TEC: variants seen among roughly 807,000 people sequenced by gnomAD.
The protein encoded by TEC is tec protein tyrosine kinase.
Under a neutral mutation model 93.0 loss-of-function variants are expected in TEC, and 72 were observed. The ratio of observed to expected loss-of-function variants is 0.77; its 90% CI spans 0.64 to 0.94. The LOEUF is 0.94. Among genes scored for constraint, TEC ranks in the 40% least tolerant of loss-of-function variants. The pLI, the probability that TEC is intolerant of heterozygous loss-of-function variation, is 0.00. For synonymous variants in TEC, 249 were observed against 247.7 expected (o/e 1.01, Z -0.05); for missense variants, 630 against 757.9 (o/e 0.83, Z 1.98).
At chr4:48,158,136 C>T (rs1172700843) in intron 8 of TEC, among the ~76,000 whole-genome samples, 2 of 152,120 alleles carry the variant, frequency 1.3e-5, no homozygotes, top group Non-Finnish European at 2.9e-5. Context: ...AGAACCAGCA[C>T]CTGCTTTTGG....
intron 1 of TEC, among the ~76,000 whole-genome samples, chr4:48,253,572 C>CTTTTT (rs34702593): frequency 1.5e-5 from 2 of 131,916 alleles, no homozygotes; most frequent in African/African-American, 5.7e-5. Context: ...ATGTCCAATT[C>CTTTTT]TTTTTTTTTT....
chr4:48,146,668 C>A (rs929577973), intron 11 of TEC, among the ~76,000 whole-genome samples: 2 of 151,992 alleles, frequency 1.3e-5, no homozygotes, highest in Non-Finnish European at 2.9e-5. Flanking sequence ...ATTTCGTGTT[C>A]TTTTCCAATA....
intron 2 of TEC, among the ~76,000 whole-genome samples, chr4:48,196,338 A>C (rs746592819): frequency 7.2e-5 from 11 of 152,332 alleles, no homozygotes; most frequent in Non-Finnish European, 1.5e-4. Context: ...TTTGAATCTC[A>C]GCTCTGCTAC....
At chr4:48,206,627 A>C (rs1722723667) in intron 2 of TEC, among the ~76,000 whole-genome samples, 1 of 152,094 alleles carries the variant, frequency 6.6e-6, no homozygotes, top group African/African-American at 2.4e-5. Flanking sequence ...CACCAGAGAA[A>C]GCAATATTTA....
chr4:48,142,962 G>A (rs576147605), intron 14 of TEC, among the ~76,000 whole-genome samples: 53 of 152,266 alleles, frequency 3.5e-4, no homozygotes, highest in East Asian at 3.9e-4. Context: ...CATTACAGGC[G>A]TGAGCCACCA....
intron 2 of TEC, among the ~76,000 whole-genome samples, chr4:48,205,323 A>T (rs1722666681): frequency 6.6e-6 from 1 of 152,132 alleles, no homozygotes; most frequent in South Asian, 2.1e-4. Flanking sequence ...TCAGCTCATG[A>T]CAGCTCATGA....
intron 2 of TEC, among the ~76,000 whole-genome samples, chr4:48,191,065 A>C (rs1722078321): frequency 6.6e-6 from 1 of 152,236 alleles, no homozygotes; most frequent in Non-Finnish European, 1.5e-5. Flanking sequence ...AGCTGTGCTT[A>C]AATGCCAGCT....
intron 1 of TEC, among the ~76,000 whole-genome samples, chr4:48,233,072 C>T (rs1252296304): frequency 6.6e-6 from 1 of 152,160 alleles, no homozygotes; most frequent in Non-Finnish European, 1.5e-5. Context: ...GGGTCTCTAT[C>T]CTGGGAGAGA....
chr4:48,168,827 C>T (rs532276496), intron 5 of TEC, among the ~76,000 whole-genome samples: 2 of 152,328 alleles, frequency 1.3e-5, no homozygotes, highest in South Asian at 4.1e-4. Flanking sequence ...GTATTTCTGC[C>T]TTTCTGAACG....
intron 2 of TEC, among the ~76,000 whole-genome samples, chr4:48,227,770 G>A (rs551009139): frequency 1.3e-5 from 2 of 152,124 alleles, no homozygotes; most frequent in African/African-American, 4.8e-5. Context: ...GATATTTCTA[G>A]CAGAGAAGGC....
At chr4:48,258,385 C>G (rs1335764190) in intron 1 of TEC, among the ~76,000 whole-genome samples, 1 of 152,074 alleles carries the variant, frequency 6.6e-6, no homozygotes, top group Non-Finnish European at 1.5e-5. Context: ...TCAAGTGATC[C>G]GCCCACCTTG....
intron 2 of TEC, among the ~76,000 whole-genome samples, chr4:48,178,694 AG>A (rs1269212651): frequency 6.6e-6 from 1 of 152,134 alleles, no homozygotes; most frequent in Non-Finnish European, 1.5e-5. Flanking sequence ...TTTCCACCAG[AG>A]CAGGGAGAAG....
chr4:48,228,749 A>T, intron 1 of TEC, 90 bp from the exon 2 acceptor site: 1 of 1,142,582 alleles, frequency 8.8e-7, no homozygotes, highest in South Asian at 1.6e-5. Context: ...CTTCACCCTC[A>T]CCCCTGCTGG....
At chr4:48,180,082 T>G (rs1721523002) in intron 2 of TEC, among the ~76,000 whole-genome samples, 1 of 152,166 alleles carries the variant, frequency 6.6e-6, no homozygotes, top group South Asian at 2.1e-4. Flanking sequence ...TTTACTTATG[T>G]CCCCTAAATT....
intron 2 of TEC, among the ~76,000 whole-genome samples, chr4:48,179,758 G>A (rs1202747527): frequency 4.6e-5 from 7 of 152,116 alleles, no homozygotes; most frequent in Admixed American, 6.5e-5. Flanking sequence ...AGAAATCTCA[G>A]TGAAATGAAC....
intron 2 of TEC, among the ~76,000 whole-genome samples, chr4:48,219,282 G>A (rs1206694708): frequency 1.3e-5 from 2 of 152,176 alleles, no homozygotes; most frequent in Non-Finnish European, 2.9e-5. Context: ...AAGCGGTAAC[G>A]CCAGTGTCTG....
At chr4:48,197,937 A>G (rs1267334868) in intron 2 of TEC, among the ~76,000 whole-genome samples, 1 of 152,164 alleles carries the variant, frequency 6.6e-6, no homozygotes, top group African/African-American at 2.4e-5. Context: ...GCCTTTGCCC[A>G]GGAACTCAAA....
Position 48,218,075 on chromosome 4 carries a change from G to C in TEC, c.138+10402C>G, listed in dbSNP as rs148807206. On this transcript the variant is annotated intron_variant, in intron 2 of 17. Coordinates refer to ENST00000381501, the MANE Select transcript of TEC (RefSeq NM_003215.3). ...ATCATGGCCTCTTGAAGTGATTAAT[G>C]ACAAGAAAGGTCAGATCTAGGAGAG... is the stretch of plus-strand genomic sequence containing the variant. 3.5e-3 allele frequency among the ~76,000 whole-genome samples: 529 copies of C among 152,098 alleles called. 4 individuals carry two copies. Among genetic ancestry groups the C allele is most frequent in the Non-Finnish European group, 5.6e-3 (378 of 68,004 alleles).
intron 2 of TEC, among the ~76,000 whole-genome samples, chr4:48,218,716 C>T (rs1723156439): frequency 6.6e-6 from 1 of 152,116 alleles, no homozygotes; most frequent in Admixed American, 6.6e-5. Flanking sequence ...ATCCCTGTAT[C>T]ACTAAGTCTC....
Sources: gnomAD v4.1 joint callset for allele counts (sites outside exome capture counted in the v4.1 genomes callset) on GRCh38, gnomAD v4.1.1 for gene constraint, MANE v1.5 for transcripts, NCBI Gene and HGNC (gene_info 2026-07-23, HGNC 2026-07-21) for gene names.